Variants in IQSEC1 observed in about 807,000 individuals in gnomAD.
IQSEC1 encodes IQ motif and SEC7 domain-containing protein 1.
In IQSEC1, 31 loss-of-function variants were observed where a neutral mutation model predicts 91.0. The observed-to-expected ratio is 0.34, with a 90% CI of 0.26 to 0.46. The LOEUF (loss-of-function observed/expected upper bound fraction) is 0.46, where lower values mean the gene tolerates loss of function less well. IQSEC1 is among the 20% of genes least tolerant of loss of function. The probability of loss-of-function intolerance (pLI) is 1.00; values close to 1 mark genes in which losing one functional copy is unlikely to be tolerated. For missense variants in IQSEC1, 1,388 were observed against 1,575.6 expected, an observed-to-expected ratio of 0.88 and a Z score of 2.02; for synonymous variants, 699 against 662.6, an observed-to-expected ratio of 1.05 and a Z score of -0.84.
intron 2 of IQSEC1, among the ~76,000 whole-genome samples, chr3:13,143,471 C>A (rs1420415949): frequency 6.6e-6 from 1 of 152,204 alleles, no homozygotes; most frequent in Non-Finnish European, 1.5e-5. Context: ...GGACGCAGAG[C>A]CTTGGCCCTG....
chr3:13,142,000 C>T (rs1706807436), intron 2 of IQSEC1, among the ~76,000 whole-genome samples: 1 of 152,186 alleles, frequency 6.6e-6, no homozygotes, highest in Non-Finnish European at 1.5e-5. Context: ...GCCTGGGGTT[C>T]ATGTAGCCAT....
chr3:13,127,021 A>G (rs1391260529), intron 2 of IQSEC1, among the ~76,000 whole-genome samples: 1 of 152,194 alleles, frequency 6.6e-6, no homozygotes, highest in East Asian at 1.9e-4. Context: ...GGATATCTAA[A>G]TTGCTTCAGA....
At chr3:13,204,091 A>C (rs921926049) in intron 1 of IQSEC1, among the ~76,000 whole-genome samples, 2 of 152,170 alleles carry the variant, frequency 1.3e-5, no homozygotes, top group Admixed American at 1.3e-4. Flanking sequence ...GGGAGGACGC[A>C]GGCACTCTAC....
rs577720708 is a variant in IQSEC1 at position 12,971,741 on chromosome 3, T to A, written c.24-29876A>T. On this transcript the variant is annotated intron_variant, in intron 1 of 13. Transcript: ENST00000613206. ...TACCCTCCTCCAACACCAAAAAAAATTTTTTAAACAAGTGTTTGTTACTTT... is the reference window on the plus strand; with the variant it reads ...TACCCTCCTCCAACACCAAAAAAAAATTTTTAAACAAGTGTTTGTTACTTT... Among the ~76,000 whole-genome samples, 30 of 151,622 alleles carry A rather than the reference T, an allele frequency of 2.0e-4. 1 individual carries two copies. Among genetic ancestry groups the A allele is most frequent in the African/African-American group, 6.5e-4 (27 of 41,292 alleles).
chr3:13,005,277 A>G (rs907306060), intron 1 of IQSEC1, among the ~76,000 whole-genome samples: 1 of 151,970 alleles, frequency 6.6e-6, no homozygotes, highest in Non-Finnish European at 1.5e-5. Context: ...GGTGTGGGGG[A>G]AGGATCAGAG....
chr3:13,219,324 C>T (rs1237030759), intron 1 of IQSEC1, among the ~76,000 whole-genome samples: 4 of 152,174 alleles, frequency 2.6e-5, no homozygotes, highest in African/African-American at 7.2e-5. Flanking sequence ...CTTCACTGGC[C>T]GCGGCTGCCC....
At position 12,915,133 on chromosome 3, in the gene IQSEC1, T is replaced by C. The variant is rs1695955049; in HGVS notation, c.2161A>G (p.Ile721Val). The C allele has an allele frequency of 1.2e-6, 2 of 1,609,158 alleles. No homozygotes were observed. The highest frequency in any genetic ancestry group is 8.5e-7 in the Non-Finnish European group (1 of 1,177,336). ...CCGAGCCCGGGATGCAGGGATCCGA[T>C]CTGCGGGAGAATGTGAAACCAACAA... is the stretch of plus-strand genomic sequence containing the variant. ...VEKLIVGKKP[I>V]GSLHPGLGCV... is the part of the protein sequence containing the mutation. Residue 721 changes from isoleucine to valine, a missense_variant and splice_region_variant, in exon 8 of 14, where the codon ATC (isoleucine) becomes GTC (valine). Physicochemically the swap from Ile to Val is conservative, Grantham distance 29. Transcript: ENST00000613206.
At chr3:13,231,349 G>A (rs1010705148) in intron 1 of IQSEC1, among the ~76,000 whole-genome samples, 3 of 152,220 alleles carry the variant, frequency 2.0e-5, no homozygotes, top group Non-Finnish European at 4.4e-5. Context: ...ATAACAAGAT[G>A]CTATAGACTA....
At chr3:13,077,198 G>T (rs770685758), upstream of IQSEC1, among the ~76,000 whole-genome samples, 1 of 151,876 alleles carries the variant, frequency 6.6e-6, no homozygotes, top group African/African-American at 2.4e-5. Context: ...AGAATATTAA[G>T]AATTTTTTAA....
chr3:13,046,042 G>A (rs1323223164), intron 1 of IQSEC1, among the ~76,000 whole-genome samples: 1 of 152,238 alleles, frequency 6.6e-6, no homozygotes, highest in East Asian at 1.9e-4. Context: ...TATGCAATGG[G>A]CATATGAGGA....
At chr3:13,184,801 C>G (rs1410895520) in intron 1 of IQSEC1, among the ~76,000 whole-genome samples, 3 of 152,144 alleles carry the variant, frequency 2.0e-5, no homozygotes, top group Non-Finnish European at 4.4e-5. Context: ...ATCTGCCAGC[C>G]ATGGCCAGTT....
intron 1 of IQSEC1, among the ~76,000 whole-genome samples, chr3:13,017,336 T>C (rs969469684): frequency 2.6e-5 from 4 of 152,258 alleles, no homozygotes; most frequent in African/African-American, 9.6e-5. Flanking sequence ...CACTCACTGC[T>C]GTATCCCCAG....
intron 1 of IQSEC1, among the ~76,000 whole-genome samples, chr3:13,165,576 G>T (rs1020062943): frequency 7.1e-6 from 1 of 141,698 alleles, no homozygotes. Flanking sequence ...GTGTGTGTGT[G>T]TGTGTCTGTC....
intron 1 of IQSEC1, among the ~76,000 whole-genome samples, chr3:13,269,893 T>G (rs1436720858): frequency 6.6e-6 from 1 of 152,236 alleles, no homozygotes; most frequent in East Asian, 1.9e-4. Context: ...GTGATCTGCG[T>G]GACCAATAAG....
chr3:12,937,793 C>T (rs534293508), intron 2 of IQSEC1, among the ~76,000 whole-genome samples: 1 of 152,358 alleles, frequency 6.6e-6, no homozygotes, highest in African/African-American at 2.4e-5. Flanking sequence ...CCTTGCTCTA[C>T]AGATGGGCAA....
At chr3:12,955,245 AC>A (rs2125444597) in intron 1 of IQSEC1, among the ~76,000 whole-genome samples, 1 of 152,120 alleles carries the variant, frequency 6.6e-6, no homozygotes, top group East Asian at 1.9e-4. Flanking sequence ...GATCAGCCCC[AC>A]CCCTTGAGAA....
At chr3:12,917,224 T>C (rs1696181068) in intron 6 of IQSEC1, among the ~76,000 whole-genome samples, 1 of 152,150 alleles carries the variant, frequency 6.6e-6, no homozygotes, top group Non-Finnish European at 1.5e-5. Flanking sequence ...ATTGGCACAA[T>C]GATGAGCCTA....
intron 2 of IQSEC1, among the ~76,000 whole-genome samples, chr3:13,123,605 C>G (rs1298710715): frequency 6.6e-6 from 1 of 152,250 alleles, no homozygotes; most frequent in African/African-American, 2.4e-5. Flanking sequence ...CCAAGTGCCA[C>G]CAGCCAGCCT....
chr3:13,278,209 G>C (rs1175410252), intron 1 of IQSEC1, among the ~76,000 whole-genome samples: 1 of 152,154 alleles, frequency 6.6e-6, no homozygotes, highest in Non-Finnish European at 1.5e-5. Context: ...TTAAGGGCTG[G>C]AGGGGACCAG....
Sources: allele counts gnomAD v4.1 joint callset (sites outside exome capture counted in the v4.1 genomes callset), GRCh38; gene constraint gnomAD v4.1.1; transcripts MANE v1.5; gene names NCBI Gene and HGNC (gene_info 2026-07-23, HGNC 2026-07-21).